The following DMD variants were observed in gnomAD, a reference collection of about 807,000 sequenced individuals.
DMD encodes mutant dystrophin.
A neutral mutation model predicts 330.1 loss-of-function variants in DMD; 63 were observed. The ratio of observed to expected loss-of-function variants is 0.19; its 90% CI spans 0.16 to 0.24. The LOEUF (loss-of-function observed/expected upper bound fraction) is 0.24. Among genes scored for constraint, DMD ranks in the 10% least tolerant of loss-of-function variants. The pLI, the probability that DMD is intolerant of heterozygous loss-of-function variation, is 1.00. For missense variants in DMD, 3,344 were observed against 2,684.1 expected, an observed-to-expected ratio of 1.25 and a Z score of -5.43; for synonymous variants, 1,223 against 959.8, an observed-to-expected ratio of 1.27 and a Z score of -5.07.
rs1186785257 is a variant in DMD, at chrX:32,675,264, G to T, written c.960+22606C>A. Among the ~76,000 whole-genome samples, 5 of 110,924 alleles carry T rather than the reference G, an allele frequency of 4.5e-5. No homozygotes were observed. In the Admixed American group the frequency reaches 4.8e-4, roughly 11 times the overall value. On this transcript the variant is annotated intron_variant, in intron 9 of 78. Coordinates refer to ENST00000357033, the MANE Select transcript of DMD (RefSeq NM_004006.3). ...AATTTAATGCACCATTTTTTCACAG[G>T]CTTGCTATAAATCAGAATCTTTAAA...
At chrX:31,302,153 A>G (rs1231715059) in intron 62 of DMD, among the ~76,000 whole-genome samples, 1 of 111,498 alleles carries the variant, frequency 9.0e-6, no homozygotes, top group African/African-American at 3.3e-5. Flanking sequence ...ATAAATTACC[A>G]TGTCAAAGGT....
chrX:32,047,260 G>A (rs2096070702), intron 44 of DMD, among the ~76,000 whole-genome samples: 3 of 111,248 alleles, frequency 2.7e-5, no homozygotes, highest in Admixed American at 9.6e-5. Flanking sequence ...CTACATAGGT[G>A]CATAGATACC....
chrX:32,547,099 T>C (rs929392985), intron 16 of DMD, among the ~76,000 whole-genome samples: 1 of 111,266 alleles, frequency 9.0e-6, no homozygotes, highest in Non-Finnish European at 1.9e-5. Flanking sequence ...GCACACTTTC[T>C]TTGCATACAG....
intron 52 of DMD, among the ~76,000 whole-genome samples, chrX:31,695,046 C>T (rs769080098): frequency 1.8e-5 from 2 of 110,775 alleles, no homozygotes; most frequent in Non-Finnish European, 3.8e-5. Flanking sequence ...CGAATGGATA[C>T]AGAAAATGTG....
intron 1 of DMD, among the ~76,000 whole-genome samples, chrX:33,229,577 G>A (rs186874021): frequency 1.0e-3 from 114 of 111,639 alleles, no homozygotes; most frequent in African/African-American, 3.5e-3. Context: ...ACATATTTGT[G>A]CGGGTCTATT....
At chrX:32,780,309 A>AAG (rs2074594676) in intron 7 of DMD, among the ~76,000 whole-genome samples, 1 of 112,283 alleles carries the variant, frequency 8.9e-6, no homozygotes, top group African/African-American at 3.2e-5. Context: ...CGACAGAACT[A>AAG]TTTAGTTCAT....
At chrX:32,268,025 C>A (rs979367074) in intron 43 of DMD, among the ~76,000 whole-genome samples, 2 of 112,177 alleles carry the variant, frequency 1.8e-5, no homozygotes, top group Non-Finnish European at 3.8e-5. Flanking sequence ...CACAGCCACA[C>A]AAGCCTCAGA....
chrX:32,690,587 C>G (rs922016028), intron 9 of DMD, among the ~76,000 whole-genome samples: 4 of 111,089 alleles, frequency 3.6e-5, no homozygotes, highest in Non-Finnish European at 5.7e-5. Context: ...TTCCTGATTT[C>G]AAAATATATT....
At chrX:32,580,172 T>C (rs2053506559) in intron 13 of DMD, among the ~76,000 whole-genome samples, 1 of 111,279 alleles carries the variant, frequency 9.0e-6, no homozygotes, top group South Asian at 3.8e-4. Context: ...CATTCCTTGG[T>C]AGCTTGAGGT....
intron 41 of DMD, among the ~76,000 whole-genome samples, chrX:32,336,042 GTGTATATATAACGTTA>G (rs2097712465): frequency 4.9e-5 from 5 of 101,201 alleles, no homozygotes; most frequent in Admixed American, 2.1e-4. Context: ...TATATATAAC[GTGTATATATAACGTTA>G]TATATAACGT....
intron 60 of DMD, among the ~76,000 whole-genome samples, chrX:31,404,399 T>C (rs1007107711): frequency 3.6e-5 from 4 of 111,394 alleles, no homozygotes; most frequent in African/African-American, 9.8e-5. Context: ...CACACCAATA[T>C]ATATTTTCTC....
At chrX:31,185,080 A>G (rs2041628915) in intron 67 of DMD, among the ~76,000 whole-genome samples, 1 of 108,077 alleles carries the variant, frequency 9.3e-6, no homozygotes, top group African/African-American at 3.4e-5. Context: ...TAACCTGCAC[A>G]TTGTGCACAT....
At chrX:31,368,606 C>G (rs1236704487) in intron 60 of DMD, among the ~76,000 whole-genome samples, 1 of 111,260 alleles carries the variant, frequency 9.0e-6, no homozygotes, top group East Asian at 2.8e-4. Context: ...TCTTCTTGTT[C>G]TCTTATTCCT....
chrX:32,613,918 A>C (rs745374034), intron 12 of DMD, among the ~76,000 whole-genome samples: 138 of 111,106 alleles, frequency 1.2e-3, no homozygotes, highest in Non-Finnish European at 1.9e-3. Flanking sequence ...TGGGAAATCC[A>C]AGATCAAGAT....
intron 7 of DMD, among the ~76,000 whole-genome samples, chrX:32,763,120 G>A (rs1423374170): frequency 4.5e-5 from 5 of 111,553 alleles, no homozygotes; most frequent in Middle Eastern, 4.7e-3. Flanking sequence ...CAATTAAAAC[G>A]TAGCTTAATT....
chrX:32,632,597 G>A (rs906461853), intron 11 of DMD, among the ~76,000 whole-genome samples: 4 of 112,509 alleles, frequency 3.6e-5, no homozygotes, highest in African/African-American at 1.3e-4. Flanking sequence ...AATCTAGATG[G>A]ATGTTCCCAA....
intron 60 of DMD, among the ~76,000 whole-genome samples, chrX:31,407,289 G>A (rs2733463): frequency 9.4e-6 from 1 of 106,931 alleles, no homozygotes; most frequent in Non-Finnish European, 1.9e-5. Flanking sequence ...CTCAGCCTCC[G>A]TAGTAGCTGT....
chrX:32,162,053 A>G (rs1323493999), intron 44 of DMD, among the ~76,000 whole-genome samples: 2 of 111,492 alleles, frequency 1.8e-5, no homozygotes, highest in African/African-American at 6.5e-5. Context: ...TAGGACAAAT[A>G]CCTAATGCAT....
chrX:32,746,473 G>C lies in DMD; in HGVS notation c.650-47180C>G, dbSNP rs1442685041. Among the ~76,000 whole-genome samples, 35 of 111,447 alleles carry C rather than the reference G, an allele frequency of 3.1e-4. No homozygotes were observed. In the Admixed American group the frequency reaches 3.3e-3, roughly 11 times the overall value. On this transcript the variant is annotated intron_variant, in intron 7 of 78. Transcript: ENST00000357033. ...TCCAGACCAGCATCAGCGTCACCTG[G>C]GACCTTTTTAGAAATACCGAATTTC...
Sources: gnomAD v4.1 joint callset for allele counts (sites outside exome capture counted in the v4.1 genomes callset) on GRCh38, gnomAD v4.1.1 for gene constraint, MANE v1.5 for transcripts, NCBI Gene and HGNC (gene_info 2026-07-23, HGNC 2026-07-21) for gene names.